Variants in TRAPPC9 observed in about 807,000 individuals in gnomAD.
TRAPPC9 encodes the protein IKK2 binding protein.
TRAPPC9 carries 83 observed loss-of-function variants against 124.0 expected under a neutral mutation model. The observed-to-expected ratio is 0.67, with a 90% CI of 0.56 to 0.80. TRAPPC9 has a LOEUF of 0.80. Among genes scored for constraint, TRAPPC9 ranks in the 30% least tolerant of loss-of-function variants. The probability of loss-of-function intolerance (pLI) is 0.00; values close to 1 mark genes in which losing one functional copy is unlikely to be tolerated. For missense variants in TRAPPC9, 1,302 were observed against 1,508.3 expected, an observed-to-expected ratio of 0.86 and a Z score of 2.27; for synonymous variants, 638 against 617.5, an observed-to-expected ratio of 1.03 and a Z score of -0.49.
intron 5 of TRAPPC9, among the ~76,000 whole-genome samples, chr8:140,406,999 G>C (rs1588296962): frequency 2.0e-5 from 3 of 152,362 alleles, no homozygotes; most frequent in Admixed American, 2.0e-4. Context: ...CCTTCGAGCA[G>C]TGAGCATTCA....
intron 21 of TRAPPC9, among the ~76,000 whole-genome samples, chr8:139,856,253 G>A (rs1380695137): frequency 6.6e-6 from 1 of 152,152 alleles, no homozygotes; most frequent in African/African-American, 2.4e-5. Context: ...TGGAGGGGCT[G>A]CAGGTTGGGG....
chr8:140,369,233 G>A (rs2068209621), intron 8 of TRAPPC9, among the ~76,000 whole-genome samples: 1 of 152,196 alleles, frequency 6.6e-6, no homozygotes, highest in Admixed American at 6.5e-5. Context: ...AGTCTGGGGA[G>A]TGTGACTTAG....
intron 16 of TRAPPC9, among the ~76,000 whole-genome samples, chr8:140,232,175 C>T (rs112900887): frequency 0.013 from 2,004 of 152,016 alleles, 41 homozygotes; most frequent in African/African-American, 0.046. Flanking sequence ...TAGGCTCAAA[C>T]GATCCTCCCA....
At chr8:140,388,544 G>A (rs1300445544) in intron 7 of TRAPPC9, among the ~76,000 whole-genome samples, 4 of 151,996 alleles carry the variant, frequency 2.6e-5, no homozygotes, top group South Asian at 2.1e-4. Flanking sequence ...TTAGTCGGGC[G>A]TGGTGGCACA....
At chr8:140,260,990 G>A (rs1176440654) in intron 15 of TRAPPC9, among the ~76,000 whole-genome samples, 5 of 152,204 alleles carry the variant, frequency 3.3e-5, no homozygotes, top group South Asian at 4.1e-4. Flanking sequence ...TCAGACACAC[G>A]TGAATCTGGG....
chr8:140,129,006 A>ATATATT (rs1563783130), intron 17 of TRAPPC9, among the ~76,000 whole-genome samples: 2 of 82,876 alleles, frequency 2.4e-5, no homozygotes, highest in African/African-American at 9.0e-5. Flanking sequence ...TATATATATT[A>ATATATT]AAAAAAAAAA....
chr8:140,149,586 T>G (rs577313615), intron 17 of TRAPPC9, among the ~76,000 whole-genome samples: 98 of 151,164 alleles, frequency 6.5e-4, no homozygotes, highest in Non-Finnish European at 1.2e-3. Context: ...ATCATGCCAT[T>G]GCACTCCAGC....
chr8:140,298,735 A>G (rs1207172495), intron 11 of TRAPPC9, among the ~76,000 whole-genome samples: 2 of 152,226 alleles, frequency 1.3e-5, no homozygotes, highest in African/African-American at 4.8e-5. Flanking sequence ...TGCCAGGAAC[A>G]TGAAATGTAC....
intron 19 of TRAPPC9, among the ~76,000 whole-genome samples, chr8:139,978,632 G>A (rs989099580): frequency 4.6e-5 from 7 of 152,150 alleles, no homozygotes; most frequent in South Asian, 2.1e-4. Context: ...GTCATTATCC[G>A]AAGATGGTGC....
At chr8:140,043,352 A>ATC (rs1378807845) in intron 17 of TRAPPC9, among the ~76,000 whole-genome samples, 1 of 152,214 alleles carries the variant, frequency 6.6e-6, no homozygotes, top group East Asian at 1.9e-4. Context: ...CCTCAAAGCC[A>ATC]TCCTACAGAA....
At chr8:140,338,796 G>A (rs111960959) in intron 9 of TRAPPC9, among the ~76,000 whole-genome samples, 5 of 86,064 alleles carry the variant, frequency 5.8e-5, no homozygotes, top group Non-Finnish European at 6.6e-5. Context: ...GAAAACCAAC[G>A]CCACCAGACG....
rs543146915 is a variant in TRAPPC9 at position 139,859,137 on chromosome 8, G to A, written c.3055+26742C>T. 1.5e-3 allele frequency among the ~76,000 whole-genome samples: 229 copies of A among 151,860 alleles called. 4 individuals are homozygous for A. The highest frequency in any genetic ancestry group is 0.013 in the Admixed American group (204 of 15,246). ...TCCAGGGTTACTCCTCCAGCCCCCC[G>A]GTTTCTGGCCCGAGTCAGAGTCCAG... On this transcript the variant is annotated intron_variant, in intron 21 of 22. Coordinates refer to ENST00000438773, the MANE Select transcript of TRAPPC9 (RefSeq NM_001160372.4).
intron 21 of TRAPPC9, among the ~76,000 whole-genome samples, chr8:139,794,190 G>A (rs916285836): frequency 1.3e-5 from 2 of 152,226 alleles, no homozygotes; most frequent in African/African-American, 2.4e-5. Context: ...GCTCCTGAGA[G>A]CAGAGGCCTG....
intron 21 of TRAPPC9, among the ~76,000 whole-genome samples, chr8:139,877,575 A>T (rs894191426): frequency 6.6e-6 from 1 of 151,538 alleles, no homozygotes; most frequent in Non-Finnish European, 1.5e-5. Flanking sequence ...TTGCCATCAG[A>T]CCCTCTGCAG....
chr8:140,308,806 G>A (rs763800342), intron 10 of TRAPPC9, among the ~76,000 whole-genome samples: 4 of 151,958 alleles, frequency 2.6e-5, no homozygotes, highest in African/African-American at 7.3e-5. Flanking sequence ...ACTTGAACCC[G>A]GGAGGTGGAG....
intron 19 of TRAPPC9, among the ~76,000 whole-genome samples, chr8:139,913,014 G>A (rs932738686): frequency 6.6e-6 from 1 of 152,200 alleles, no homozygotes; most frequent in African/African-American, 2.4e-5. Flanking sequence ...TTTGACAACA[G>A]TACCAGGTTC....
At chr8:139,880,295 A>C (rs1305958649) in intron 21 of TRAPPC9, among the ~76,000 whole-genome samples, 2 of 152,200 alleles carry the variant, frequency 1.3e-5, no homozygotes, top group African/African-American at 4.8e-5. Flanking sequence ...GGGCCTCTTA[A>C]GTGGCAGAAT....
intron 19 of TRAPPC9, among the ~76,000 whole-genome samples, chr8:139,913,239 G>A (rs1366292309): frequency 6.6e-6 from 1 of 152,224 alleles, no homozygotes; most frequent in Non-Finnish European, 1.5e-5. Context: ...ACAGAAAAGG[G>A]AAGAAAACAA....
chr8:139,857,502 A>G (rs969189450), intron 21 of TRAPPC9, among the ~76,000 whole-genome samples: 1 of 152,196 alleles, frequency 6.6e-6, no homozygotes, highest in Non-Finnish European at 1.5e-5. Flanking sequence ...CGTGGACCCC[A>G]GTCCAGGCCT....
Sources: gnomAD v4.1 joint callset for allele counts (sites outside exome capture counted in the v4.1 genomes callset) on GRCh38, gnomAD v4.1.1 for gene constraint, MANE v1.5 for transcripts, NCBI Gene and HGNC (gene_info 2026-07-23, HGNC 2026-07-21) for gene names.